Variants in FGD4 observed in about 807,000 individuals in gnomAD.
FGD4 encodes FYVE, RhoGEF and PH domain containing 4, also known as FYVE, RhoGEF and PH domain-containing protein 4.
Under a neutral mutation model 102.0 loss-of-function variants are expected in FGD4, and 42 were observed. The observed-to-expected ratio is 0.41, with a 90% CI of 0.32 to 0.53. The LOEUF (loss-of-function observed/expected upper bound fraction) is 0.53, where lower values mean the gene tolerates loss of function less well. Among genes scored for constraint, FGD4 ranks in the 20% least tolerant of loss-of-function variants. The pLI, the probability that FGD4 is intolerant of heterozygous loss-of-function variation, is 0.21. For synonymous variants in FGD4, 380 were observed against 375.7 expected (o/e 1.01, Z -0.13); for missense variants, 902 against 1,078.2 (o/e 0.84, Z 2.29).
intron 1 of FGD4, among the ~76,000 whole-genome samples, chr12:32,420,640 T>G (rs575232382): frequency 6.6e-6 from 1 of 152,214 alleles, no homozygotes; most frequent in African/African-American, 2.4e-5. Flanking sequence ...GGTTGGGACC[T>G]GAGGTCAGCC....
At chr12:32,594,846 A>G (rs1947753324) in intron 4 of FGD4, among the ~76,000 whole-genome samples, 1 of 152,186 alleles carries the variant, frequency 6.6e-6, no homozygotes, top group Admixed American at 6.6e-5. Context: ...CCTGGCCAGC[A>G]TGGTGAAACC....
chr12:32,416,875 A>G (rs1941435483), intron 1 of FGD4, among the ~76,000 whole-genome samples: 1 of 150,716 alleles, frequency 6.6e-6, no homozygotes, highest in African/African-American at 2.4e-5. Context: ...CTTATTGCTC[A>G]TTAACGTCCT....
chr12:32,414,932 C>T (rs1223082734), intron 1 of FGD4, among the ~76,000 whole-genome samples: 1 of 151,974 alleles, frequency 6.6e-6, no homozygotes, highest in Non-Finnish European at 1.5e-5. Flanking sequence ...GTGTAAATTT[C>T]CTTCTTAGTA....
intron 2 of FGD4, among the ~76,000 whole-genome samples, chr12:32,568,435 A>C (rs1481023928): frequency 6.6e-6 from 1 of 152,230 alleles, no homozygotes; most frequent in Non-Finnish European, 1.5e-5. Context: ...AACCTCCAGC[A>C]TAAGTCTTTC....
At chr12:32,566,162 T>A (rs1945173501) in intron 2 of FGD4, among the ~76,000 whole-genome samples, 1 of 152,218 alleles carries the variant, frequency 6.6e-6, no homozygotes, top group South Asian at 2.1e-4. Flanking sequence ...CAGAGTGTAA[T>A]GAGGGCCTGC....
At chr12:32,634,555 G>C (rs1950682182) in intron 15 of FGD4, among the ~76,000 whole-genome samples, 1 of 152,020 alleles carries the variant, frequency 6.6e-6, no homozygotes, top group African/African-American at 2.4e-5. Flanking sequence ...TACATCTAGA[G>C]ATATTAACAA....
chr12:32,598,298 CTA>C (rs1000939133), intron 4 of FGD4, among the ~76,000 whole-genome samples, 197 bp from the exon 5 acceptor site: 41 of 152,246 alleles, frequency 2.7e-4, no homozygotes, highest in Non-Finnish European at 4.9e-4. Context: ...AAAGGAGAAA[CTA>C]TAGTTTAAAT....
In FGD4 at chr12:32,644,310, A is replaced by G. The variant is rs991534718; in HGVS notation, c.*3777A>G. ...TCAAACTTCTTGTTATTTGCATACTATTATCTACTATAGATTCTCAGCTTT... is the reference window on the plus strand; with the variant it reads ...TCAAACTTCTTGTTATTTGCATACTGTTATCTACTATAGATTCTCAGCTTT... On this transcript the variant is annotated 3_prime_UTR_variant, in exon 17 of 17. Transcript: ENST00000534526. 9.9e-5 allele frequency: 15 copies of G among 152,122 alleles called. No homozygotes were observed. The highest frequency in any genetic ancestry group is 3.6e-4 in the African/African-American group (15 of 41,456). 9.4% of individuals were successfully genotyped at this position (152,122 alleles called of 1,614,324 possible). A position where few individuals can be genotyped will look rare whatever the true frequency, so the allele number is the denominator to read the frequency against.
At chr12:32,622,360 A>T (rs1949895285) in intron 11 of FGD4, among the ~76,000 whole-genome samples, 2 of 152,120 alleles carry the variant, frequency 1.3e-5, no homozygotes. Context: ...TCCTTTAGCC[A>T]GTTGGGCTAT....
intron 1 of FGD4, among the ~76,000 whole-genome samples, chr12:32,418,117 C>T (rs982513069): frequency 3.3e-5 from 5 of 151,846 alleles, no homozygotes; most frequent in Non-Finnish European, 5.9e-5. Flanking sequence ...CCACCACGCC[C>T]GGCTAATTTT....
intron 15 of FGD4, among the ~76,000 whole-genome samples, chr12:32,635,372 T>G (rs1209625967): frequency 1.2e-4 from 18 of 152,202 alleles, no homozygotes; most frequent in Admixed American, 1.2e-3. Context: ...CCCTAGCTAG[T>G]ATTTTAGAGA....
rs1424467851 is a variant in FGD4 at position 32,399,831 on chromosome 12, C to T, written c.38C>T (p.Ala13Val). 6.5e-7 allele frequency: 1 copy of T among 1,531,308 alleles called. No individual in the cohort carries two copies. Among genetic ancestry groups the T allele is most frequent in the Non-Finnish European group, 8.7e-7 (1 of 1,145,360 alleles). The allele number at this position is 1,531,308 out of a possible 1,614,324, so 94.9% of individuals were successfully genotyped here. ...DEGGSNFRRV[A>V]IRRKSNPSYL... The stretch of plus-strand genomic sequence containing the variant: ...GGCGGCTCCAACTTCAGGCGGGTGG[C>T]GATCCGGCGGAAGTCCAACCCCTCC... Residue 13 changes from alanine (A) to valine (V), a missense_variant, in exon 1 of 17, where the codon GCG becomes GTG. Coordinates refer to ENST00000534526, the MANE Select transcript of FGD4 (RefSeq NM_001370298.3).
At chr12:32,603,390 ATT>A (rs369775159) in intron 7 of FGD4, among the ~76,000 whole-genome samples, 1 of 146,670 alleles carries the variant, frequency 6.8e-6, no homozygotes, top group African/African-American at 2.5e-5. Context: ...TATTTTATTT[ATT>A]TTTTTTTTTG....
At position 32,399,895 on chromosome 12, in the gene FGD4, C is replaced by T. The variant is rs1940575329; in HGVS notation, c.102C>T (p.Pro34=). The stretch of plus-strand genomic sequence containing the variant: ...GGGTGCCCCGGCCCTGGAGCAGGCC[C>T]GCGTCGCACCTGGGACGTGTAGGGA... ...PPGVPRPWSR[P]ASHLGRVGTA... The change falls in exon 1 of 17, where the codon CCC becomes CCT. Residue 34 remains proline (P), a synonymous_variant. Transcript: ENST00000534526. 1.3e-6 allele frequency: 2 copies of T among 1,529,482 alleles called. No individual in the cohort carries two copies. Among genetic ancestry groups the T allele is most frequent in the Non-Finnish European group, 1.7e-6 (2 of 1,144,558 alleles). 94.7% of individuals were successfully genotyped at this position (1,529,482 alleles called of 1,614,324 possible). A position where few individuals can be genotyped will look rare whatever the true frequency, so the allele number is the denominator to read the frequency against.
At chr12:32,533,214 C>G (rs1941959471) in intron 1 of FGD4, among the ~76,000 whole-genome samples, 1 of 152,072 alleles carries the variant, frequency 6.6e-6, no homozygotes, top group Non-Finnish European at 1.5e-5. Context: ...GTGGCCCCAC[C>G]ATGCACTGAA....
At position 32,544,323 on chromosome 12, in the gene FGD4, G is replaced by T. The variant is rs12313470; in HGVS notation, c.167-19814G>T. On this transcript the variant is annotated intron_variant, in intron 1 of 16. Transcript: ENST00000534526. This position sits in a 1 kb window ranked among gnomAD's most constrained non-coding sequence, Gnocchi z 4.1. The stretch of plus-strand genomic sequence containing the variant: ...TGGGTACCTGTAATCCCAGCTACTT[G>T]GGAGCCTGAGGCAGGAGAATCACTT... Among the ~76,000 whole-genome samples, 772 of 151,698 alleles carry T rather than the reference G, an allele frequency of 5.1e-3. 8 individuals carry two copies. The highest frequency in any genetic ancestry group is 0.017 in the African/African-American group (707 of 41,352).
chr12:32,443,174 T>C (rs2136459086), intron 1 of FGD4, among the ~76,000 whole-genome samples: 2 of 152,282 alleles, frequency 1.3e-5, no homozygotes, highest in Admixed American at 1.3e-4. Flanking sequence ...TAGTTTGATA[T>C]AAGTCCATAG....
rs1210188793 is a variant in FGD4 at position 32,640,689 on chromosome 12, G to C, written c.*156G>C. 4 of 995,966 alleles carry C rather than the reference G, an allele frequency of 4.0e-6. No homozygotes were observed. The African/African-American group carries it at 6.5e-5, about 16-fold the overall frequency. The allele number at this position is 995,966 out of a possible 1,614,324, so 61.7% of individuals were successfully genotyped here. On this transcript the variant is annotated 3_prime_UTR_variant, in exon 17 of 17. Transcript: ENST00000534526. ...ATTTTCCTATGTTTATGTACTCTTA[G>C]TGAAATTAGTGTGCAGAGTCATTCT... is the stretch of plus-strand genomic sequence containing the variant.
chr12:32,599,494 CAAAA>C (rs777429838), intron 5 of FGD4, among the ~76,000 whole-genome samples: 1 of 19,698 alleles, frequency 5.1e-5, no homozygotes, highest in Non-Finnish European at 8.8e-5. Context: ...GACTCCGTCT[CAAAA>C]AAAAAAAAAA....
Sources: allele counts gnomAD v4.1 joint callset (sites outside exome capture counted in the v4.1 genomes callset), GRCh38; gene constraint gnomAD v4.1.1; non-coding constraint Gnocchi (gnomAD v3.1); transcripts MANE v1.5; gene names NCBI Gene and HGNC (gene_info 2026-07-23, HGNC 2026-07-21).